The following PDE10A variants were observed in gnomAD, a reference collection of about 807,000 sequenced individuals.
PDE10A encodes the protein cAMP and cAMP-inhibited cGMP 3',5'-cyclic phosphodiesterase 10A.
Under a neutral mutation model 97.7 loss-of-function variants are expected in PDE10A, and 39 were observed. The observed-to-expected ratio is 0.40, with a 90% CI of 0.31 to 0.52. The LOEUF (loss-of-function observed/expected upper bound fraction) is 0.52. Among genes scored for constraint, PDE10A ranks in the 20% least tolerant of loss-of-function variants. The pLI, the probability that PDE10A is intolerant of heterozygous loss-of-function variation, is 0.56. For synonymous variants in PDE10A, 371 were observed against 376.8 expected, an observed-to-expected ratio of 0.98 and a Z score of 0.18; for missense variants, 731 against 1,047.8, an observed-to-expected ratio of 0.70 and a Z score of 4.17.
At chr6:165,437,235 CT>C (rs3842107) in intron 5 of PDE10A, among the ~76,000 whole-genome samples, 29,928 of 149,604 alleles carry the variant, frequency 0.2, 3,244 homozygotes, top group Admixed American at 0.28. Context: ...AAACGCACAT[CT>C]TTTTTTTTTA....
At chr6:165,980,470 C>T (rs1784980533) in intron 1 of PDE10A, among the ~76,000 whole-genome samples, 1 of 152,146 alleles carries the variant, frequency 6.6e-6, no homozygotes, top group African/African-American at 2.4e-5. Context: ...TCAATTATGG[C>T]ACATTGTACC....
intron 2 of PDE10A, among the ~76,000 whole-genome samples, chr6:165,503,144 T>G (rs1261892956): frequency 1.3e-5 from 2 of 152,090 alleles, no homozygotes; most frequent in Non-Finnish European, 2.9e-5. Context: ...TTGTCTAGGG[T>G]GTACTCCTGG....
intron 2 of PDE10A, among the ~76,000 whole-genome samples, chr6:165,484,103 G>T (rs1779759926): frequency 6.6e-6 from 1 of 152,186 alleles, no homozygotes; most frequent in African/African-American, 2.4e-5. Flanking sequence ...AAGAACTATA[G>T]TATTCTACTT....
chr6:165,593,891 A>T (rs1786429072), intron 1 of PDE10A, among the ~76,000 whole-genome samples: 1 of 152,218 alleles, frequency 6.6e-6, no homozygotes, highest in Non-Finnish European at 1.5e-5. Flanking sequence ...AATTATTGTA[A>T]GTGAGCTAAA....
chr6:165,348,356 C>T (rs139036946), intron 18 of PDE10A, among the ~76,000 whole-genome samples: 16 of 152,248 alleles, frequency 1.1e-4, no homozygotes, highest in Admixed American at 3.9e-4. Flanking sequence ...TAGCTTAAAA[C>T]GCACCATGGT....
At position 165,373,949 on chromosome 6, in the gene PDE10A, G is replaced by A. The variant is rs939080399; in HGVS notation, c.2783+5245C>T. Among the ~76,000 whole-genome samples, 215 of 151,454 alleles carry A rather than the reference G, an allele frequency of 1.4e-3. 1 individual carries two copies. The highest frequency in any genetic ancestry group is 5.0e-3 in the African/African-American group (208 of 41,268). ...CTTTGTAGGGACATGGATGAAATTG[G>A]AATCATCATTCTCAGTAAACTATCG... On this transcript the variant is annotated intron_variant, in intron 18 of 21. Transcript: ENST00000539869.
chr6:165,807,470 T>G (rs1290469231), intron 1 of PDE10A, among the ~76,000 whole-genome samples: 3 of 151,944 alleles, frequency 2.0e-5, no homozygotes, highest in African/African-American at 4.8e-5. Context: ...CAACCCGAGC[T>G]CCCACAGGAA....
At chr6:165,855,096 G>C (rs1196963632) in intron 1 of PDE10A, among the ~76,000 whole-genome samples, 1 of 152,156 alleles carries the variant, frequency 6.6e-6, no homozygotes, top group Non-Finnish European at 1.5e-5. Flanking sequence ...GTAATGGCCA[G>C]GGAGGTAAAT....
intron 1 of PDE10A, among the ~76,000 whole-genome samples, chr6:165,953,850 T>C (rs1394037604): frequency 6.6e-6 from 1 of 152,238 alleles, no homozygotes; most frequent in African/African-American, 2.4e-5. Context: ...TAGTGACCTG[T>C]ATCCACCATT....
intron 1 of PDE10A, among the ~76,000 whole-genome samples, chr6:165,824,385 G>T (rs913974322): frequency 1.3e-5 from 2 of 152,190 alleles, no homozygotes; most frequent in Admixed American, 1.3e-4. Flanking sequence ...TCTGAGTGGG[G>T]TATTATGGAC....
intron 1 of PDE10A, among the ~76,000 whole-genome samples, chr6:165,903,903 A>G (rs1023012413): frequency 6.6e-6 from 1 of 152,182 alleles, no homozygotes; most frequent in Admixed American, 6.5e-5. Context: ...AAGAGGGCAG[A>G]GAAATGGCCA....
chr6:165,934,744 G>C (rs1458906625), intron 1 of PDE10A, among the ~76,000 whole-genome samples: 1 of 152,130 alleles, frequency 6.6e-6, no homozygotes, highest in Non-Finnish European at 1.5e-5. Context: ...TCTCTGCAAT[G>C]CCATGGATGG....
intron 1 of PDE10A, among the ~76,000 whole-genome samples, chr6:165,685,034 G>A (rs112068579): frequency 0.011 from 1,679 of 152,258 alleles, 26 homozygotes; most frequent in African/African-American, 0.038. Flanking sequence ...TTTTTTATTA[G>A]ATGTATCTGC....
At chr6:165,986,395 T>G (rs962910024) in intron 1 of PDE10A, 1 of 153,216 alleles carries the variant, frequency 6.5e-6, no homozygotes, top group Admixed American at 6.5e-5. Flanking sequence ...GGGAAGGGAC[T>G]TGGGGTGGCA....
intron 2 of PDE10A, among the ~76,000 whole-genome samples, chr6:165,508,395 A>C (rs1781323939): frequency 6.6e-6 from 1 of 151,870 alleles, no homozygotes; most frequent in South Asian, 2.1e-4. Context: ...TGTATCAATA[A>C]TTTATTCTTT....
At chr6:165,773,880 A>G (rs1778087807) in intron 1 of PDE10A, among the ~76,000 whole-genome samples, 1 of 152,210 alleles carries the variant, frequency 6.6e-6, no homozygotes, top group Non-Finnish European at 1.5e-5. Context: ...TGAACCCTGA[A>G]AATCGTAAAA....
chr6:165,769,238 C>G (rs574361499), intron 1 of PDE10A, among the ~76,000 whole-genome samples: 6 of 152,138 alleles, frequency 3.9e-5, no homozygotes, highest in Non-Finnish European at 7.3e-5. Flanking sequence ...AGCTGAGGAA[C>G]TAAATTTTTC....
At chr6:165,951,595 C>A (rs1050996984) in intron 1 of PDE10A, among the ~76,000 whole-genome samples, 4 of 152,248 alleles carry the variant, frequency 2.6e-5, no homozygotes, top group Non-Finnish European at 5.9e-5. Flanking sequence ...CCCTTATGTG[C>A]AAGGTCCTCT....
chr6:165,501,586 A>G (rs1460164320), intron 2 of PDE10A, among the ~76,000 whole-genome samples: 1 of 152,110 alleles, frequency 6.6e-6, no homozygotes, highest in Non-Finnish European at 1.5e-5. Context: ...AAAAAAAAAA[A>G]AGTCCTGAGG....
Sources: gnomAD v4.1 joint callset for allele counts (sites outside exome capture counted in the v4.1 genomes callset) on GRCh38, gnomAD v4.1.1 for gene constraint, MANE v1.5 for transcripts, NCBI Gene and HGNC (gene_info 2026-07-23, HGNC 2026-07-21) for gene names.